PPP2R5C: variants seen among roughly 807,000 people sequenced by gnomAD.
PPP2R5C encodes the protein protein phosphatase 2 regulatory subunit B'gamma.
Under a neutral mutation model 68.9 loss-of-function variants are expected in PPP2R5C, and 7 were observed. The ratio of observed to expected loss-of-function variants is 0.10; its 90% CI spans 0.06 to 0.19. The LOEUF is 0.19. Among genes scored for constraint, PPP2R5C ranks in the 10% least tolerant of loss-of-function variants. The pLI, the probability that PPP2R5C is intolerant of heterozygous loss-of-function variation, is 1.00. For synonymous variants in PPP2R5C, 210 were observed against 222.2 expected, an observed-to-expected ratio of 0.95 and a Z score of 0.49; for missense variants, 348 against 641.3, an observed-to-expected ratio of 0.54 and a Z score of 4.94.
chr14:101,856,580 T>A, intron 1 of PPP2R5C, 106 bp from the exon 4 acceptor site: 1 of 1,119,166 alleles, frequency 8.9e-7, no homozygotes, highest in African/African-American at 1.6e-5. Context: ...TCCTTTTTTC[T>A]TGAATCTCTA....
intron 3 of PPP2R5C, among the ~76,000 whole-genome samples, chr14:101,791,550 A>C (rs1454380891): frequency 6.6e-6 from 1 of 152,178 alleles, no homozygotes; most frequent in Non-Finnish European, 1.5e-5. Flanking sequence ...TGTTAAGTTG[A>C]TACGAAAGTT....
At chr14:101,870,382 T>C (rs2043327349) in intron 2 of PPP2R5C, among the ~76,000 whole-genome samples, 1 of 152,240 alleles carries the variant, frequency 6.6e-6, no homozygotes, top group South Asian at 2.1e-4. Flanking sequence ...CTTTGGCGTA[T>C]GGATTTCCAA....
rs912417320 is a variant in PPP2R5C at position 101,877,240 on chromosome 14, C to T, written c.295-4921C>T. Reference sequence around the variant, plus strand: ...CTGGGATTACAGGCATGAGTCACCGCGCCTGGCCTTTACCCTTTCCAATGG... The same window carrying T: ...CTGGGATTACAGGCATGAGTCACCGTGCCTGGCCTTTACCCTTTCCAATGG... On this transcript the variant is annotated intron_variant, in intron 2 of 13. Coordinates refer to ENST00000334743, the Ensembl canonical transcript of PPP2R5C. The surrounding 1 kb of genome is among the most constrained non-coding windows in gnomAD (Gnocchi z 4.2). 2.6e-5 allele frequency among the ~76,000 whole-genome samples: 4 copies of T among 152,102 alleles called. No homozygotes were observed. The highest frequency in any genetic ancestry group is 1.3e-4 in the Admixed American group (2 of 15,268).
chr14:101,892,610 TC>T (rs1316202621), intron 6 of PPP2R5C, among the ~76,000 whole-genome samples: 1 of 152,174 alleles, frequency 6.6e-6, no homozygotes, highest in Non-Finnish European at 1.5e-5. Flanking sequence ...TCCTCTTTTT[TC>T]TGATACACAC....
At chr14:101,890,708 ATAAT>A (rs779988405) in intron 6 of PPP2R5C, among the ~76,000 whole-genome samples, 5 of 151,168 alleles carry the variant, frequency 3.3e-5, no homozygotes, top group South Asian at 2.1e-4. Flanking sequence ...TATTTATAAA[ATAAT>A]TAACATTTCA....
At chr14:101,894,257 G>A (rs2045154488) in intron 7 of PPP2R5C, among the ~76,000 whole-genome samples, 1 of 152,154 alleles carries the variant, frequency 6.6e-6, no homozygotes, top group East Asian at 1.9e-4. Flanking sequence ...CCATCATACT[G>A]GATTGACTTA....
chr14:101,823,946 GGTT>G, intron 1 of PPP2R5C: 1 of 1,287,092 alleles, frequency 7.8e-7, no homozygotes, highest in Non-Finnish European at 1.0e-6. Context: ...ACGAAGGTAA[GGTT>G]GTACTTTTAG....
intron 2 of PPP2R5C, among the ~76,000 whole-genome samples, chr14:101,862,990 C>T (rs997536407): frequency 2.6e-5 from 4 of 152,012 alleles, no homozygotes; most frequent in African/African-American, 9.7e-5. Context: ...TGCGCCACCA[C>T]AACTGGCTAA....
intron 1 of PPP2R5C, among the ~76,000 whole-genome samples, chr14:101,826,007 A>G (rs562162818): frequency 5.1e-4 from 78 of 152,364 alleles, no homozygotes; most frequent in Middle Eastern, 3.4e-3. Flanking sequence ...AGATGTGGCT[A>G]TCACAGCTGT....
intron 1 of PPP2R5C, among the ~76,000 whole-genome samples, chr14:101,813,012 G>A (rs2039457274): frequency 6.6e-6 from 1 of 152,220 alleles, no homozygotes; most frequent in Non-Finnish European, 1.5e-5. Context: ...GAGTCACCTG[G>A]AACTTGATGG....
intron 1 of PPP2R5C, among the ~76,000 whole-genome samples, chr14:101,817,683 A>AC (rs1386095375): frequency 6.6e-6 from 1 of 151,590 alleles, no homozygotes; most frequent in Non-Finnish European, 1.5e-5. Context: ...GGGTCAGATC[A>AC]CCCCCCATCC....
intron 11 of PPP2R5C, among the ~76,000 whole-genome samples, chr14:101,910,804 A>G (rs1437837197): frequency 6.6e-6 from 1 of 150,388 alleles, no homozygotes. Flanking sequence ...CGTCTCTACT[A>G]AAAATACAAA....
intron 1 of PPP2R5C, among the ~76,000 whole-genome samples, chr14:101,855,423 A>T (rs146663058): frequency 6.6e-6 from 1 of 152,302 alleles, no homozygotes; most frequent in African/African-American, 2.4e-5. Context: ...ATTTGCTTTG[A>T]TATTACACCA....
At chr14:101,790,917 A>G (rs1328703998) in intron 3 of PPP2R5C, among the ~76,000 whole-genome samples, 1 of 152,120 alleles carries the variant, frequency 6.6e-6, no homozygotes, top group African/African-American at 2.4e-5. Context: ...CATCTTTACT[A>G]AAAATACAAA....
intron 9 of PPP2R5C, among the ~76,000 whole-genome samples, chr14:101,902,673 G>A (rs912690265): frequency 2.0e-5 from 3 of 152,238 alleles, no homozygotes; most frequent in African/African-American, 7.2e-5. Context: ...CAGGTGGCGT[G>A]TGCAGCAGGC....
chr14:101,792,319 G>T lies in PPP2R5C; in HGVS notation c.259+6136G>T, dbSNP rs1407502110. ...TCCCTTTACAATTCAAAAAGTACTA[G>T]TAATAGTCTGCAGTGTATATTTTGG... is the stretch of plus-strand genomic sequence containing the variant. On this transcript the variant is annotated intron_variant, in intron 3 of 14. Coordinates refer to the PPP2R5C transcript ENST00000328724. Among the ~76,000 whole-genome samples the T allele has an allele frequency of 3.3e-5, 5 of 152,266 alleles. No individual in the cohort carries two copies. The East Asian group carries it at 7.7e-4, about 24-fold the overall frequency.
intron 2 of PPP2R5C, among the ~76,000 whole-genome samples, chr14:101,769,647 A>G (rs778200028): frequency 2.6e-5 from 4 of 152,128 alleles, no homozygotes; most frequent in Non-Finnish European, 4.4e-5. Context: ...GTTTTTTTCT[A>G]ATGTCTTGGG....
intron 1 of PPP2R5C, among the ~76,000 whole-genome samples, chr14:101,811,889 T>C (rs1031872154): frequency 2.0e-5 from 3 of 152,104 alleles, no homozygotes; most frequent in African/African-American, 7.2e-5. Flanking sequence ...CAAGACCTTA[T>C]TATGGCCAGT....
rs1410928786 is a variant in PPP2R5C at position 101,840,470 on chromosome 14, TC to T, written c.95-16210del. Among the ~76,000 whole-genome samples the T allele has an allele frequency of 5.0e-3, 334 of 66,470 alleles. 7 individuals are homozygous for T. Among genetic ancestry groups the T allele is most frequent in the African/African-American group, 0.02 (312 of 15,720 alleles). 43.6% of individuals were successfully genotyped at this position (66,470 alleles called of 152,430 possible). On this transcript the variant is annotated intron_variant, in intron 1 of 13. Transcript: ENST00000334743. ...CATGTGAGCTTCCAGCACCACCTGCTCCCCCCACCACCAAAAAAAAAAAAAA... is the reference window on the plus strand; with the variant it reads ...CATGTGAGCTTCCAGCACCACCTGCTCCCCCACCACCAAAAAAAAAAAAAA...
Sources: gnomAD v4.1 joint callset for allele counts (sites outside exome capture counted in the v4.1 genomes callset) on GRCh38, gnomAD v4.1.1 for gene constraint, Gnocchi (gnomAD v3.1) non-coding constraint, MANE v1.5 for transcripts, NCBI Gene and HGNC (gene_info 2026-07-23, HGNC 2026-07-21) for gene names.